Variants in CNOT2 observed in about 807,000 individuals in gnomAD.
CNOT2 encodes CCR4-NOT transcription complex subunit 2.
Under a neutral mutation model 72.1 loss-of-function variants are expected in CNOT2, and 7 were observed. That is an observed-to-expected ratio of 0.10 (90% CI 0.06 to 0.18). The LOEUF (loss-of-function observed/expected upper bound fraction) is 0.18, where lower values mean the gene tolerates loss of function less well. CNOT2 is among the 10% of genes least tolerant of loss of function. CNOT2 has a pLI of 1.00. For synonymous variants in CNOT2, 196 were observed against 225.6 expected (o/e 0.87, Z 1.17); for missense variants, 345 against 660.3 (o/e 0.52, Z 5.23).
At chr12:70,294,292 C>T (rs1872467732) in intron 2 of CNOT2, 2 of 1,289,320 alleles carry the variant, frequency 1.6e-6, no homozygotes, top group Middle Eastern at 2.1e-4. Flanking sequence ...AGAAGTTGCA[C>T]AGGTAAGTAT....
At position 70,351,976 on chromosome 12, in the gene CNOT2, A is replaced by G. The variant is rs148070198; in HGVS notation, c.1537-1853A>G. On this transcript the variant is annotated intron_variant, in intron 15 of 15. Coordinates refer to ENST00000229195, the MANE Select transcript of CNOT2 (RefSeq NM_014515.7). Reference sequence around the variant, plus strand: ...TTACTGTACCAGTCACATGAAGGCAACCTTTTCAGGCTAAAGTCACCATGG... The same window carrying G: ...TTACTGTACCAGTCACATGAAGGCAGCCTTTTCAGGCTAAAGTCACCATGG... Among the ~76,000 whole-genome samples, 482 of 152,242 alleles carry G rather than the reference A, an allele frequency of 3.2e-3. 5 individuals are homozygous for G. Among genetic ancestry groups the G allele is most frequent in the African/African-American group, 0.011 (442 of 41,534 alleles).
At chr12:70,268,048 A>T (rs992377226) in intron 1 of CNOT2, among the ~76,000 whole-genome samples, 1 of 152,196 alleles carries the variant, frequency 6.6e-6, no homozygotes, top group African/African-American at 2.4e-5. Context: ...ATGTACACAC[A>T]CATATTTTCC....
intron 2 of CNOT2, among the ~76,000 whole-genome samples, chr12:70,304,060 C>G (rs1047926420): frequency 2.0e-5 from 3 of 152,178 alleles, no homozygotes; most frequent in East Asian, 1.9e-4. Flanking sequence ...CCATCAGGTC[C>G]TTTAAGGACT....
At chr12:70,332,349 GA>G (rs1880086075) in intron 6 of CNOT2, 1 of 153,188 alleles carries the variant, frequency 6.5e-6, no homozygotes, top group South Asian at 2.0e-4. Flanking sequence ...GATCTATTAT[GA>G]AAAGTAATAT....
Position 70,257,354 on chromosome 12 carries a change from C to CTTTTTTTT in CNOT2, c.-96+13885_-96+13892dup, listed in dbSNP as rs34175539. ...CAGTGAGTCTTTCCCCAACTACCCC[C>CTTTTTTTT]TTTTTTTTTTTTTTTTTTCTTTTTG... On this transcript the variant is annotated intron_variant, in intron 1 of 15. Transcript: ENST00000229195. Among the ~76,000 whole-genome samples, 189 of 128,540 alleles carry CTTTTTTTT rather than the reference C, an allele frequency of 1.5e-3. 5 individuals are homozygous for CTTTTTTTT. Among genetic ancestry groups the CTTTTTTTT allele is most frequent in the African/African-American group, 3.9e-3 (139 of 35,634 alleles). 84.3% of individuals were successfully genotyped at this position (128,540 alleles called of 152,430 possible). A position where few individuals can be genotyped will look rare whatever the true frequency, so the allele number is the denominator to read the frequency against.
chr12:70,339,335 C>G (rs951186452), intron 11 of CNOT2, among the ~76,000 whole-genome samples: 1 of 152,002 alleles, frequency 6.6e-6, no homozygotes, highest in Non-Finnish European at 1.5e-5. Flanking sequence ...TCATTTCACT[C>G]CATTGGGACC....
rs141834379 is a variant in CNOT2 at position 70,349,587 on chromosome 12, G to C, written c.1536+3263G>C. Among the ~76,000 whole-genome samples the C allele has an allele frequency of 2.1e-4, 32 of 152,056 alleles. No individual in the cohort carries two copies. The East Asian group carries it at 6.2e-3, about 29-fold the overall frequency. ...TTCAGATAATTGTAATATTAAATAA[G>C]GGATTAGATAATCTAAACCAGAAGT... On this transcript the variant is annotated intron_variant, in intron 15 of 15. Transcript: ENST00000229195.
intron 1 of CNOT2, 196 bp downstream of exon 1, chr12:70,243,676 G>GGGGAGGGGGGTGGCGGCGGTGGA (rs1158950282): frequency 2.8e-4 from 42 of 151,446 alleles, no homozygotes; most frequent in African/African-American, 7.0e-4. Flanking sequence ...CGGAGCGGGC[G>GGGGAGGGGGGTGGCGGCGGTGGA]GGGAGGGGGG....
intron 1 of CNOT2, among the ~76,000 whole-genome samples, chr12:70,254,803 A>G (rs1173364874): frequency 1.3e-5 from 2 of 151,976 alleles, no homozygotes; most frequent in Non-Finnish European, 2.9e-5. Flanking sequence ...CAACATGGAA[A>G]ACCCTGTCTC....
chr12:70,353,987 A>AACT lies in CNOT2; in HGVS notation c.*73_*75dup. The AACT allele has an allele frequency of 6.5e-7, 1 of 1,532,636 alleles. No individual in the cohort carries two copies. 94.9% of individuals were successfully genotyped at this position (1,532,636 alleles called of 1,614,324 possible). A position where few individuals can be genotyped will look rare whatever the true frequency, so the allele number is the denominator to read the frequency against. On this transcript the variant is annotated 3_prime_UTR_variant, in exon 16 of 16. Coordinates refer to ENST00000229195, the MANE Select transcript of CNOT2 (RefSeq NM_014515.7). ...GCTGTCTCAGCACAATACTCAACAT[A>AACT]ACTGCAGAACTGATGTGGCTCAGGC...
chr12:70,279,573 C>T (rs1355473301), intron 2 of CNOT2, among the ~76,000 whole-genome samples: 1 of 152,182 alleles, frequency 6.6e-6, no homozygotes, highest in Non-Finnish European at 1.5e-5. Flanking sequence ...CCACCCACTT[C>T]CAATTACCTT....
chr12:70,281,867 T>TAAATTTAAACTCATTTAAATTAAAG (rs1869917469), intron 2 of CNOT2, among the ~76,000 whole-genome samples: 2 of 152,244 alleles, frequency 1.3e-5, no homozygotes, highest in Admixed American at 6.5e-5. Flanking sequence ...TTAAATTAAA[T>TAAATTTAAACTCATTTAAATTAAAG]AAATTTTAAA....
At chr12:70,307,221 A>G (rs1462005900) in intron 2 of CNOT2, among the ~76,000 whole-genome samples, 1 of 152,202 alleles carries the variant, frequency 6.6e-6, no homozygotes, top group East Asian at 1.9e-4. Context: ...ATAATGAGTT[A>G]ACCTTAGCTT....
At chr12:70,285,831 G>T (rs537277472) in intron 2 of CNOT2, among the ~76,000 whole-genome samples, 93 of 152,208 alleles carry the variant, frequency 6.1e-4, no homozygotes, top group African/African-American at 2.1e-3. Context: ...TAGTCAACAG[G>T]TATTCACTGG....
At chr12:70,263,805 C>T (rs1958893108) in intron 1 of CNOT2, among the ~76,000 whole-genome samples, 1 of 152,130 alleles carries the variant, frequency 6.6e-6, no homozygotes, top group Non-Finnish European at 1.5e-5. Flanking sequence ...TGCAGCATCT[C>T]TGGATACTGA....
At chr12:70,264,333 A>C (rs1175490232) in intron 1 of CNOT2, among the ~76,000 whole-genome samples, 1 of 152,070 alleles carries the variant, frequency 6.6e-6, no homozygotes, top group Non-Finnish European at 1.5e-5. Context: ...CATATTTTTG[A>C]GGGTACCCTT....
At chr12:70,252,407 G>A (rs1194365975) in intron 1 of CNOT2, among the ~76,000 whole-genome samples, 1 of 152,116 alleles carries the variant, frequency 6.6e-6, no homozygotes, top group Non-Finnish European at 1.5e-5. Context: ...GGGTGGTCTT[G>A]AACTCCTGCG....
intron 15 of CNOT2, among the ~76,000 whole-genome samples, chr12:70,348,660 A>G (rs1019561053): frequency 4.6e-5 from 7 of 152,148 alleles, no homozygotes; most frequent in African/African-American, 1.4e-4. Context: ...TGTTAGATAT[A>G]TGTATGAAGA....
chr12:70,297,578 A>G (rs1055565222), intron 2 of CNOT2, among the ~76,000 whole-genome samples: 3 of 152,204 alleles, frequency 2.0e-5, no homozygotes, highest in African/African-American at 7.2e-5. Context: ...AATGAAATTA[A>G]GAGTTTGGTT....
Sources: gnomAD v4.1 joint callset for allele counts (sites outside exome capture counted in the v4.1 genomes callset) on GRCh38, gnomAD v4.1.1 for gene constraint, MANE v1.5 for transcripts, NCBI Gene and HGNC (gene_info 2026-07-23, HGNC 2026-07-21) for gene names.